Variants in CTNNA3 observed in about 807,000 individuals in gnomAD.
CTNNA3 encodes catenin alpha 3.
A neutral mutation model predicts 95.7 loss-of-function variants in CTNNA3; 76 were observed. The ratio of observed to expected loss-of-function variants is 0.79; its 90% CI spans 0.66 to 0.96. The LOEUF is 0.96. Among genes scored for constraint, CTNNA3 ranks in the 40% least tolerant of loss-of-function variants. CTNNA3 has a pLI of 0.00. For missense variants in CTNNA3, 1,191 were observed against 1,089.8 expected (o/e 1.09, Z -1.31); for synonymous variants, 431 against 374.4 (o/e 1.15, Z -1.74).
chr10:67,031,870 C>A (rs1925626), intron 7 of CTNNA3, among the ~76,000 whole-genome samples: 3,045 of 152,210 alleles, frequency 0.02, 104 homozygotes, highest in African/African-American at 0.069. Flanking sequence ...TTTTATTGGG[C>A]CACAAAACAT....
intron 9 of CTNNA3, among the ~76,000 whole-genome samples, chr10:66,641,921 C>G (rs1845529241): frequency 6.6e-6 from 1 of 152,126 alleles, no homozygotes. Context: ...TACAGCAGAA[C>G]ACATTTGAAA....
intron 13 of CTNNA3, among the ~76,000 whole-genome samples, chr10:66,117,122 A>C (rs1318334220): frequency 1.3e-5 from 2 of 152,184 alleles, no homozygotes; most frequent in Non-Finnish European, 2.9e-5. Flanking sequence ...AGGAGTGAAC[A>C]GATTGTGAAG....
chr10:66,135,148 C>T (rs182621025), intron 13 of CTNNA3, among the ~76,000 whole-genome samples: 6 of 152,092 alleles, frequency 3.9e-5, no homozygotes, highest in African/African-American at 1.4e-4. Context: ...TATTTCTTAG[C>T]TAGTAACAGT....
chr10:67,254,736 C>T (rs189711644), intron 5 of CTNNA3, among the ~76,000 whole-genome samples: 3 of 152,260 alleles, frequency 2.0e-5, no homozygotes, highest in Admixed American at 2.0e-4. Flanking sequence ...TTACAATCCC[C>T]TGTAGTATTT....
chr10:66,467,168 T>A (rs889461749), intron 11 of CTNNA3, among the ~76,000 whole-genome samples: 17 of 152,128 alleles, frequency 1.1e-4, no homozygotes, highest in Non-Finnish European at 8.8e-5. Context: ...AGAATTTAGG[T>A]CTCAGTCAAG....
chr10:66,875,260 G>C (rs1383113890), intron 7 of CTNNA3, among the ~76,000 whole-genome samples: 1 of 152,030 alleles, frequency 6.6e-6, no homozygotes, highest in African/African-American at 2.4e-5. Flanking sequence ...GGAAGGGCCA[G>C]GAACATAGTG....
intron 11 of CTNNA3, among the ~76,000 whole-genome samples, chr10:66,506,426 C>T (rs1443877936): frequency 7.2e-6 from 1 of 138,248 alleles, no homozygotes; most frequent in African/African-American, 2.5e-5. Context: ...CCCTCAAACC[C>T]ACCTTGAATT....
At chr10:67,468,515 T>G (rs1258457191) in intron 5 of CTNNA3, among the ~76,000 whole-genome samples, 2 of 152,188 alleles carry the variant, frequency 1.3e-5, no homozygotes. Flanking sequence ...ACAAATCTTA[T>G]GTAGCATGGA....
intron 13 of CTNNA3, among the ~76,000 whole-genome samples, chr10:66,134,476 TG>T (rs1267482032): frequency 6.6e-6 from 1 of 152,034 alleles, no homozygotes; most frequent in African/African-American, 2.4e-5. Context: ...AAAAATAAGA[TG>T]AGGAAGATTT....
chr10:66,315,041 C>T (rs2092080770), intron 12 of CTNNA3, among the ~76,000 whole-genome samples: 1 of 152,034 alleles, frequency 6.6e-6, no homozygotes, highest in Admixed American at 6.6e-5. Context: ...ATGGAAAAAA[C>T]TGAAGGAGGC....
intron 6 of CTNNA3, among the ~76,000 whole-genome samples, chr10:67,202,984 T>G (rs930942868): frequency 3.3e-5 from 5 of 152,190 alleles, no homozygotes; most frequent in African/African-American, 1.2e-4. Flanking sequence ...ATACCATGTA[T>G]ACTTGTGTTA....
chr10:66,414,167 G>A (rs991646758), intron 11 of CTNNA3, among the ~76,000 whole-genome samples: 1 of 152,108 alleles, frequency 6.6e-6, no homozygotes, highest in African/African-American at 2.4e-5. Flanking sequence ...TGGTTAGGTA[G>A]GTTAGTTAGG....
At chr10:67,116,682 A>C (rs1859204744) in intron 7 of CTNNA3, among the ~76,000 whole-genome samples, 1 of 150,008 alleles carries the variant, frequency 6.7e-6, no homozygotes, top group South Asian at 2.1e-4. Flanking sequence ...AATAAATCTA[A>C]GGATCGTAGC....
chr10:67,534,744 CAGAA>C (rs1041528124), intron 4 of CTNNA3, among the ~76,000 whole-genome samples: 4 of 151,910 alleles, frequency 2.6e-5, no homozygotes, highest in Non-Finnish European at 4.4e-5. Context: ...AGAATAGAGA[CAGAA>C]AGACAATCTA....
chr10:65,995,300 T>A (rs1247378258), intron 15 of CTNNA3, among the ~76,000 whole-genome samples: 1 of 152,224 alleles, frequency 6.6e-6, no homozygotes, highest in Non-Finnish European at 1.5e-5. Flanking sequence ...TTTTGGATTG[T>A]CTTTTGTAGG....
At chr10:66,607,982 G>A (rs1263858089) in intron 10 of CTNNA3, among the ~76,000 whole-genome samples, 1 of 152,052 alleles carries the variant, frequency 6.6e-6, no homozygotes, top group Non-Finnish European at 1.5e-5. Flanking sequence ...TAAAGGGCAT[G>A]TAAACAGGAA....
intron 7 of CTNNA3, among the ~76,000 whole-genome samples, chr10:66,991,089 T>C (rs1289349999): frequency 2.0e-5 from 3 of 152,186 alleles, no homozygotes; most frequent in Non-Finnish European, 4.4e-5. Context: ...GAAAATAACC[T>C]CTGACCTTGA....
intron 2 of CTNNA3, among the ~76,000 whole-genome samples, chr10:67,633,267 C>T (rs2133441677): frequency 6.6e-6 from 1 of 152,260 alleles, no homozygotes; most frequent in East Asian, 1.9e-4. Context: ...GGGGTTGCCA[C>T]ACCATCTCTG....
chr10:67,557,260 T>C (rs566519502), intron 3 of CTNNA3, among the ~76,000 whole-genome samples: 1 of 152,336 alleles, frequency 6.6e-6, no homozygotes, highest in South Asian at 2.1e-4. Context: ...TTGGTGATAT[T>C]CATCCAAACA....
Sources: allele counts gnomAD v4.1 joint callset (sites outside exome capture counted in the v4.1 genomes callset), GRCh38; gene constraint gnomAD v4.1.1; transcripts MANE v1.5; gene names NCBI Gene and HGNC (gene_info 2026-07-23, HGNC 2026-07-21).